NID2: variants seen among roughly 807,000 people sequenced by gnomAD.
NID2 encodes the protein nidogen-2.
NID2 carries 83 observed loss-of-function variants against 145.4 expected under a neutral mutation model. The ratio of observed to expected loss-of-function variants is 0.57; its 90% CI spans 0.48 to 0.69. NID2 has a LOEUF of 0.69. Ranked by LOEUF, NID2 falls within the 30% of genes least tolerant of loss-of-function variation. The pLI, the probability that NID2 is intolerant of heterozygous loss-of-function variation, is 0.00. For synonymous variants in NID2, 739 were observed against 701.3 expected, an observed-to-expected ratio of 1.05 and a Z score of -0.85; for missense variants, 1,807 against 1,765.7, an observed-to-expected ratio of 1.02 and a Z score of -0.42.
chr14:52,008,100 T>C lies in NID2; in HGVS notation c.3723-133A>G. The C allele has an allele frequency of 1.1e-5, 7 of 653,850 alleles. No individual in the cohort carries two copies. In the South Asian group the frequency reaches 1.5e-4, roughly 14 times the overall value. The allele number at this position is 653,850 out of a possible 1,614,324, so 40.5% of individuals were successfully genotyped here. On this transcript the variant is annotated intron_variant, in intron 18 of 21. Transcript: ENST00000216286. Reference sequence around the variant, plus strand: ...GCAATCCCCTTGAGTTTGGGCTGCATTAGTAGTGTCTTGCTTCTTCTAGTG... The same window carrying C: ...GCAATCCCCTTGAGTTTGGGCTGCACTAGTAGTGTCTTGCTTCTTCTAGTG...
At position 52,053,855 on chromosome 14, in the gene NID2, G is replaced by C. The variant is rs1351206161; in HGVS notation, c.1153C>G (p.Pro385Ala). Reference protein sequence around the residue: ...GGPDLKGQVEPWDERETRSPA... With the variant: ...GGPDLKGQVEAWDERETRSPA... Reference sequence around the variant, plus strand: ...CTTCTGGTCTCTCTCTCATCCCAGGGCTCAACTTGGCCTTTTAAATCTGGG... The same window carrying C: ...CTTCTGGTCTCTCTCTCATCCCAGGCCTCAACTTGGCCTTTTAAATCTGGG... The change falls in exon 5 of 22, where the codon CCC becomes GCC. Residue 385 changes from proline (P) to alanine (A), a missense_variant. By Grantham distance (27) the Pro-to-Ala change is conservative. Coordinates refer to ENST00000216286, the MANE Select transcript of NID2 (RefSeq NM_007361.4). 2 of 1,614,012 alleles carry C rather than the reference G, an allele frequency of 1.2e-6. No homozygotes were observed. The highest frequency in any genetic ancestry group is 1.7e-5 in the Admixed American group (1 of 60,010).
At chr14:52,015,359 G>A (rs112250370) in intron 14 of NID2, 84 bp from the exon 15 acceptor site, 2 of 1,319,038 alleles carry the variant, frequency 1.5e-6, no homozygotes, top group Admixed American at 2.2e-5. Context: ...AAGACCCCAT[G>A]CCTGGCCTCC....
chr14:52,056,635 C>CA (rs1411633174), intron 3 of NID2, among the ~76,000 whole-genome samples: 14 of 151,478 alleles, frequency 9.2e-5, no homozygotes, highest in Admixed American at 1.3e-4. Context: ...ACTATAAATA[C>CA]AAAAAAAATA....
chr14:52,011,039 T>C lies in NID2; in HGVS notation c.3559A>G (p.Ser1187Gly), dbSNP rs775836873. Reference sequence around the variant, plus strand: ...TGGTCTATGGCAAGTCCTTCAGGGCTTATCAGACCTGGAAATAAAGCAAAG... The same window carrying C: ...TGGTCTATGGCAAGTCCTTCAGGGCCTATCAGACCTGGAAATAAAGCAAAG... ...PETIVNSGLI[S>G]PEGLAIDHIR... is the part of the protein sequence containing the mutation. The change falls in exon 18 of 22, where the codon AGC (serine) becomes GGC (glycine). Residue 1187 changes from serine (S) to glycine (G), a missense_variant. Physicochemically the swap from Ser to Gly is moderately conservative, Grantham distance 56 (BLOSUM62 0). Coordinates refer to ENST00000216286, the MANE Select transcript of NID2 (RefSeq NM_007361.4). 6.2e-7 allele frequency: 1 copy of C among 1,613,266 alleles called. No individual in the cohort carries two copies. The highest frequency in any genetic ancestry group is 1.7e-5 in the Admixed American group (1 of 60,010).
At chr14:52,039,841 C>T (rs1297707703) in intron 8 of NID2, among the ~76,000 whole-genome samples, 1 of 152,212 alleles carries the variant, frequency 6.6e-6, no homozygotes, top group African/African-American at 2.4e-5. Flanking sequence ...ATTAAGAGGC[C>T]TTTCCCTATA....
Position 52,019,064 on chromosome 14 carries a change from G to T in NID2, c.3025C>A (p.Pro1009Thr), listed in dbSNP as rs1891311233. 6.2e-7 allele frequency: 1 copy of T among 1,613,196 alleles called. No individual in the cohort carries two copies. Among genetic ancestry groups the T allele is most frequent in the South Asian group, 1.1e-5 (1 of 90,968 alleles). ...GSTPPHCGPS[P>T]EPTQRPPTIC... ...TGAGCCCCAGGCCTAAGCTCACCTG[G>T]TGATGGTCCACAGTGAGGCGGGGTG... The change falls in exon 14 of 22, where the codon CCA becomes ACA. Residue 1009 changes from proline (P) to threonine (T), a missense_variant. By Grantham distance (38) the Pro-to-Thr change is conservative. Coordinates refer to ENST00000216286, the MANE Select transcript of NID2 (RefSeq NM_007361.4).
chr14:52,068,312 C>A (rs999882677), intron 1 of NID2, 149 bp from the exon 2 acceptor site: 2 of 819,648 alleles, frequency 2.4e-6, no homozygotes, highest in East Asian at 2.6e-5. Flanking sequence ...GAAACAAGCG[C>A]AACTTTTGCG....
intron 16 of NID2, among the ~76,000 whole-genome samples, chr14:52,012,763 C>T (rs1361741060): frequency 6.6e-6 from 1 of 152,176 alleles, no homozygotes; most frequent in Non-Finnish European, 1.5e-5. Context: ...TTTTCCTCAA[C>T]TCCATGCAGA....
Position 52,019,134 on chromosome 14 carries a change from G to T in NID2, c.2955C>A (p.Asp985Glu), listed in dbSNP as rs776227850. 16 of 1,613,992 alleles carry T rather than the reference G, an allele frequency of 9.9e-6. No homozygotes were observed. The African/African-American group carries it at 1.7e-4, about 18-fold the overall frequency. ...TACCAGGAACTTCATGACCATCAGG[G>T]TCCACGCACCAGCAGAAACCAGTGC... ...HGSTGFCWCV[D>E]PDGHEVPGTQ... is the part of the protein sequence containing the mutation. Residue 985 changes from aspartate to glutamate, a missense_variant, in exon 14 of 22, where the codon GAC becomes GAA. Coordinates refer to ENST00000216286, the MANE Select transcript of NID2 (RefSeq NM_007361.4).
intron 16 of NID2, among the ~76,000 whole-genome samples, chr14:52,013,878 A>C (rs1317030201): frequency 7.2e-5 from 11 of 152,100 alleles, no homozygotes; most frequent in Non-Finnish European, 7.4e-5. Context: ...TCCCCAACAA[A>C]CCGCAGAGAT....
At chr14:52,040,929 C>A (rs1892259266) in intron 7 of NID2, 78 bp from the exon 8 acceptor site, 1 of 1,223,442 alleles carries the variant, frequency 8.2e-7, no homozygotes, top group Non-Finnish European at 1.2e-6. Context: ...TGCCCGCTCC[C>A]AATTTCTACT....
rs1428263290 is a variant in NID2, at chr14:52,004,858, A to ACAT, written c.*625_*627dup. ...TAATCTAGAAAATTTTAAAATTGTTACATCTTTGGTATTTATAAATGTGAT... is the reference window on the plus strand; with the variant it reads ...TAATCTAGAAAATTTTAAAATTGTTACATCATCTTTGGTATTTATAAATGTGAT... On this transcript the variant is annotated 3_prime_UTR_variant, in exon 22 of 22. Coordinates refer to ENST00000216286, the MANE Select transcript of NID2 (RefSeq NM_007361.4). 1 of 181,976 alleles carries ACAT rather than the reference A, an allele frequency of 5.5e-6. No individual in the cohort carries two copies. The highest frequency in any genetic ancestry group is 2.3e-5 in the African/African-American group (1 of 42,576). The allele number at this position is 181,976 out of a possible 1,614,324, so 11.3% of individuals were successfully genotyped here.
At chr14:52,055,460 G>C (rs886804228) in intron 3 of NID2, among the ~76,000 whole-genome samples, 1 of 152,134 alleles carries the variant, frequency 6.6e-6, no homozygotes, top group Non-Finnish European at 1.5e-5. Flanking sequence ...TTTTTGCACT[G>C]AAAAAGTTAA....
At chr14:52,056,516 C>T (rs1386655208) in intron 3 of NID2, among the ~76,000 whole-genome samples, 1 of 152,150 alleles carries the variant, frequency 6.6e-6, no homozygotes, top group Non-Finnish European at 1.5e-5. Context: ...CTAGCACTGA[C>T]CAGGTACGGT....
At chr14:52,044,265 CCTT>C (rs1453611660) in intron 5 of NID2, among the ~76,000 whole-genome samples, 420 of 85,082 alleles carry the variant, frequency 4.9e-3, no homozygotes, top group African/African-American at 0.019. Flanking sequence ...CATTTAACAA[CCTT>C]TTTTTTTTTT....
chr14:52,007,556 T>A, intron 19 of NID2: 1 of 449,294 alleles, frequency 2.2e-6, no homozygotes, highest in Non-Finnish European at 3.9e-6. Flanking sequence ...TTTTAACTGT[T>A]AAAAATATGC....
chr14:52,037,955 T>C (rs182454854), intron 9 of NID2, among the ~76,000 whole-genome samples: 64 of 152,366 alleles, frequency 4.2e-4, no homozygotes, highest in Non-Finnish European at 2.4e-4. Flanking sequence ...GTACTGATCT[T>C]GCATATCTTA....
chr14:52,038,651 C>A (rs1892160335), intron 9 of NID2, 96 bp downstream of exon 9: 3 of 923,634 alleles, frequency 3.2e-6, no homozygotes, highest in Non-Finnish European at 4.8e-6. Flanking sequence ...CATAACACAG[C>A]ATGGCACTAG....
At chr14:52,016,918 C>T (rs187007912) in intron 14 of NID2, among the ~76,000 whole-genome samples, 10 of 152,282 alleles carry the variant, frequency 6.6e-5, no homozygotes, top group African/African-American at 1.2e-4. Context: ...CTCAACTGCA[C>T]GACTCACCAG....
Sources: gnomAD v4.1 joint callset for allele counts (sites outside exome capture counted in the v4.1 genomes callset) on GRCh38, gnomAD v4.1.1 for gene constraint, MANE v1.5 for transcripts, NCBI Gene and HGNC (gene_info 2026-07-23, HGNC 2026-07-21) for gene names.